Variants in CFAP58 observed in about 807,000 individuals in gnomAD.
CFAP58 encodes cilia- and flagella-associated protein 58.
In CFAP58, 88 loss-of-function variants were observed where a neutral mutation model predicts 119.5. That is an observed-to-expected ratio of 0.74 (90% CI 0.62 to 0.88). The LOEUF is 0.88. Among genes scored for constraint, CFAP58 ranks in the 40% least tolerant of loss-of-function variants. The pLI, the probability that CFAP58 is intolerant of heterozygous loss-of-function variation, is 0.00. For synonymous variants in CFAP58, 365 were observed against 366.3 expected, an observed-to-expected ratio of 1.00 and a Z score of 0.04; for missense variants, 990 against 1,021.2, an observed-to-expected ratio of 0.97 and a Z score of 0.42.
the CFAP58 span, among the ~76,000 whole-genome samples, chr10:104,340,404 C>T: frequency 6.6e-6 from 1 of 152,220 alleles, no homozygotes; most frequent in African/African-American, 2.4e-5. Context: ...CACCCCAGTG[C>T]ACATGCATGT....
intron 9 of CFAP58, among the ~76,000 whole-genome samples, chr10:104,390,169 AC>A (rs1489195968): frequency 6.6e-6 from 1 of 152,246 alleles, no homozygotes; most frequent in African/African-American, 2.4e-5. Context: ...ATGAGAATAC[AC>A]ATACAAAAAT....
intron 15 of CFAP58, among the ~76,000 whole-genome samples, chr10:104,436,257 A>G (rs1233299091): frequency 6.6e-6 from 1 of 152,252 alleles, no homozygotes; most frequent in East Asian, 1.9e-4. Flanking sequence ...ATAATTTATT[A>G]GAGTAGTGTA....
At chr10:104,404,618 T>C (rs2012325444) in intron 14 of CFAP58, among the ~76,000 whole-genome samples, 1 of 148,468 alleles carries the variant, frequency 6.7e-6, no homozygotes, top group Non-Finnish European at 1.5e-5. Flanking sequence ...TTTGTTTTTC[T>C]TTTTTTTTTG....
intron 15 of CFAP58, among the ~76,000 whole-genome samples, chr10:104,423,114 T>C (rs2012687533): frequency 6.6e-6 from 1 of 152,260 alleles, no homozygotes; most frequent in Admixed American, 6.5e-5. Context: ...TAATTTTTTA[T>C]TCCCTTTATT....
intron 9 of CFAP58, among the ~76,000 whole-genome samples, chr10:104,390,611 A>T (rs998790723): frequency 1.3e-5 from 2 of 152,204 alleles, no homozygotes; most frequent in African/African-American, 4.8e-5. Flanking sequence ...ACTGATGAAT[A>T]TTAGCTATTA....
At chr10:104,340,270 T>C in the CFAP58 span, among the ~76,000 whole-genome samples, 1 of 152,158 alleles carries the variant, frequency 6.6e-6, no homozygotes, top group African/African-American at 2.4e-5. Flanking sequence ...AACCTGTGCT[T>C]CCCAGAACGT....
In CFAP58 at chr10:104,413,706, ACATCAT is replaced by A. The variant is rs199893413; in HGVS notation, c.2256+6952_2256+6957del. On this transcript the variant is annotated intron_variant, in intron 15 of 17. Transcript: ENST00000369704. Reference sequence around the variant, plus strand: ...TGCTATCCATTACCTGGGTATCATTACATCATCATCATCATCATCATCATCATCATC... The same window carrying A: ...TGCTATCCATTACCTGGGTATCATTACATCATCATCATCATCATCATCATC... 7.3e-3 allele frequency among the ~76,000 whole-genome samples: 1,057 copies of A among 143,854 alleles called. 4 individuals are homozygous for A. The highest frequency in any genetic ancestry group is 0.019 in the African/African-American group (697 of 35,820). The allele number at this position is 143,854 out of a possible 152,430, so 94.4% of individuals were successfully genotyped here. A position where few individuals can be genotyped will look rare whatever the true frequency, so the allele number is the denominator to read the frequency against.
the CFAP58 span, among the ~76,000 whole-genome samples, chr10:104,339,754 C>T: frequency 1.3e-5 from 2 of 152,062 alleles, no homozygotes; most frequent in Non-Finnish European, 2.9e-5. Flanking sequence ...TCTTTCCTTA[C>T]GTAAGAGGTT....
chr10:104,374,315 A>G (rs1008607134), intron 7 of CFAP58, among the ~76,000 whole-genome samples: 4 of 151,788 alleles, frequency 2.6e-5, no homozygotes, highest in African/African-American at 9.7e-5. Flanking sequence ...AAAAAGAAAG[A>G]AAGATAAAAA....
chr10:104,392,730 C>T (rs2012073969), intron 10 of CFAP58, among the ~76,000 whole-genome samples: 1 of 151,318 alleles, frequency 6.6e-6, no homozygotes, highest in African/African-American at 2.4e-5. Flanking sequence ...ACCTCTGCCT[C>T]CTGGGTTCAA....
chr10:104,407,313 C>CCATCAT (rs543463749), intron 15 of CFAP58, among the ~76,000 whole-genome samples: 62 of 151,988 alleles, frequency 4.1e-4, no homozygotes, highest in Non-Finnish European at 7.8e-4. Flanking sequence ...TTCCTCACTG[C>CCATCAT]CATCATCATC....
chr10:104,416,731 A>G (rs1189094153), intron 15 of CFAP58, among the ~76,000 whole-genome samples: 1 of 152,222 alleles, frequency 6.6e-6, no homozygotes, highest in African/African-American at 2.4e-5. Flanking sequence ...CAACCCCAGA[A>G]GAGCACACCA....
chr10:104,341,339 T>A, the CFAP58 span, among the ~76,000 whole-genome samples: 1 of 151,818 alleles, frequency 6.6e-6, no homozygotes, highest in African/African-American at 2.4e-5. Flanking sequence ...CACATGAGGG[T>A]GTGAACTGGT....
In CFAP58 at chr10:104,362,054, C is replaced by CAA. The variant is rs778092675; in HGVS notation, c.324_325insAA (p.Ala109LysfsTer16). 1.7e-5 allele frequency: 28 copies of CAA among 1,613,960 alleles called. No homozygotes were observed. Among genetic ancestry groups the CAA allele is most frequent in the Non-Finnish European group, 2.3e-5 (27 of 1,179,996 alleles). ...GAAAAGGCCTGGAAGATGGTGGACT[C>CAA]AGCCTATGACAAAGAGCAGAAGGCC... On this transcript the variant is annotated frameshift_variant, in exon 3 of 18. Transcript: ENST00000369704. LOFTEE classifies it high-confidence loss of function.
intron 15 of CFAP58, among the ~76,000 whole-genome samples, chr10:104,446,435 T>C (rs1360818682): frequency 1.3e-5 from 2 of 152,220 alleles, no homozygotes; most frequent in Admixed American, 1.3e-4. Context: ...TTCAATAATT[T>C]GGCCAGGGAA....
At chr10:104,369,189 C>T (rs1468296779) in intron 6 of CFAP58, among the ~76,000 whole-genome samples, 1 of 152,186 alleles carries the variant, frequency 6.6e-6, no homozygotes, top group Non-Finnish European at 1.5e-5. Flanking sequence ...ATATTCCCTA[C>T]TCTGGTTATG....
chr10:104,377,373 C>T (rs1417922712), intron 8 of CFAP58, among the ~76,000 whole-genome samples: 1 of 152,140 alleles, frequency 6.6e-6, no homozygotes, highest in African/African-American at 2.4e-5. Context: ...TGTTTTCTGT[C>T]CTTATCTTGT....
intron 17 of CFAP58, among the ~76,000 whole-genome samples, chr10:104,452,160 C>G (rs541131983): frequency 6.5e-4 from 99 of 151,840 alleles, no homozygotes; most frequent in African/African-American, 2.2e-3. Flanking sequence ...AAATTATATG[C>G]AGATACCATT....
At chr10:104,419,709 G>T (rs559937050) in intron 15 of CFAP58, among the ~76,000 whole-genome samples, 17 of 152,008 alleles carry the variant, frequency 1.1e-4, no homozygotes, top group Non-Finnish European at 2.1e-4. Context: ...TGGTGACTTC[G>T]TTGCTTTGTT....
Sources: gnomAD v4.1 joint callset for allele counts (sites outside exome capture counted in the v4.1 genomes callset) on GRCh38, gnomAD v4.1.1 for gene constraint, MANE v1.5 for transcripts, NCBI Gene and HGNC (gene_info 2026-07-23, HGNC 2026-07-21) for gene names.